The following DYNC1LI1 variants were observed in gnomAD, a reference collection of about 807,000 sequenced individuals.
The protein encoded by DYNC1LI1 is dynein cytoplasmic 1 light intermediate chain 1, also known as cytoplasmic dynein 1 light intermediate chain 1.
DYNC1LI1 carries 19 observed loss-of-function variants against 63.8 expected under a neutral mutation model. The ratio of observed to expected loss-of-function variants is 0.30; its 90% CI spans 0.21 to 0.44. DYNC1LI1 has a LOEUF of 0.44. DYNC1LI1 is among the 20% of genes least tolerant of loss of function. The pLI, the probability that DYNC1LI1 is intolerant of heterozygous loss-of-function variation, is 1.00. For synonymous variants in DYNC1LI1, 225 were observed against 232.3 expected (o/e 0.97, Z 0.28); for missense variants, 565 against 630.2 (o/e 0.90, Z 1.11).
intron 2 of DYNC1LI1, among the ~76,000 whole-genome samples, chr3:32,550,303 T>G (rs1698016097): frequency 1.3e-5 from 2 of 152,112 alleles, no homozygotes; most frequent in South Asian, 4.1e-4. Context: ...TGGTGGTGCA[T>G]GACTATAATC....
intron 11 of DYNC1LI1, 69 bp downstream of exon 11, chr3:32,529,471 T>G: frequency 2.1e-6 from 3 of 1,446,824 alleles, no homozygotes; most frequent in South Asian, 1.3e-5. Context: ...TGGCAAAAGG[T>G]GGAATTTTAG....
chr3:32,555,824 G>C (rs1209942083), intron 2 of DYNC1LI1, among the ~76,000 whole-genome samples: 1 of 152,234 alleles, frequency 6.6e-6, no homozygotes, highest in African/African-American at 2.4e-5. Context: ...AAATGGGTAA[G>C]AGAGCAGGAC....
At chr3:32,532,508 A>ATATATATATATATATATAT (rs1559434368) in intron 8 of DYNC1LI1, 42 of 124,958 alleles carry the variant, frequency 3.4e-4, no homozygotes, top group African/African-American at 1.2e-3. Context: ...TATATATATA[A>ATATATATATATATATATAT]AATTGAAAGT....
At chr3:32,542,366 G>A (rs1267102736) in intron 4 of DYNC1LI1, among the ~76,000 whole-genome samples, 1 of 150,870 alleles carries the variant, frequency 6.6e-6, no homozygotes. Context: ...ATCCCAAAGT[G>A]TTGGGATAAC....
At position 32,562,446 on chromosome 3, in the gene DYNC1LI1, C is replaced by T. The variant is rs536555581; in HGVS notation, c.220+7900G>A. On this transcript the variant is annotated intron_variant, in intron 2 of 12. Coordinates refer to ENST00000273130, the MANE Select transcript of DYNC1LI1 (RefSeq NM_016141.4). ...CCTTGGACTCCCAGGCTCATATGAA[C>T]CTTCTGCCTCAGCCTCCCAAGTAGC... Among the ~76,000 whole-genome samples the T allele has an allele frequency of 8.5e-5, 13 of 152,158 alleles. No homozygotes were observed. In the East Asian group the frequency reaches 2.3e-3, roughly 27 times the overall value.
At chr3:32,562,929 C>T (rs981118635) in intron 2 of DYNC1LI1, among the ~76,000 whole-genome samples, 4 of 152,054 alleles carry the variant, frequency 2.6e-5, no homozygotes, top group African/African-American at 9.7e-5. Context: ...CGTTTTAGGC[C>T]CTTTTCACAG....
chr3:32,549,645 A>C (rs1166146999), intron 2 of DYNC1LI1, among the ~76,000 whole-genome samples: 1 of 152,212 alleles, frequency 6.6e-6, no homozygotes, highest in Non-Finnish European at 1.5e-5. Context: ...ATAAGCAGTA[A>C]TTAGTTAAGT....
intron 2 of DYNC1LI1, among the ~76,000 whole-genome samples, chr3:32,569,530 T>A (rs1182908758): frequency 6.6e-6 from 1 of 152,198 alleles, no homozygotes; most frequent in African/African-American, 2.4e-5. Context: ...AATCATCGTA[T>A]AAGCCAAACT....
chr3:32,566,439 C>A (rs1198187092), intron 2 of DYNC1LI1, among the ~76,000 whole-genome samples: 1 of 152,118 alleles, frequency 6.6e-6, no homozygotes, highest in African/African-American at 2.4e-5. Flanking sequence ...GGAGAAACTG[C>A]CTTTAAAGGC....
chr3:32,534,079 A>G (rs528699793), intron 7 of DYNC1LI1, among the ~76,000 whole-genome samples: 1 of 150,956 alleles, frequency 6.6e-6, no homozygotes, highest in South Asian at 2.1e-4. Context: ...GGGTTTCGCC[A>G]TGTTGGCCAG....
intron 2 of DYNC1LI1, among the ~76,000 whole-genome samples, chr3:32,552,725 G>A (rs983794804): frequency 1.3e-4 from 20 of 152,098 alleles, no homozygotes; most frequent in African/African-American, 4.1e-4. Context: ...TGTTGTCGTT[G>A]AGACGGAGTC....
At chr3:32,551,445 G>T (rs990139808) in intron 2 of DYNC1LI1, among the ~76,000 whole-genome samples, 4 of 152,172 alleles carry the variant, frequency 2.6e-5, no homozygotes, top group African/African-American at 9.6e-5. Context: ...ACAAACAGTG[G>T]AGGCCAGATC....
At position 32,570,662 on chromosome 3, in the gene DYNC1LI1, C is replaced by A. The variant is rs1322321238; in HGVS notation, c.109G>T (p.Ala37Ser). The A allele has an allele frequency of 1.3e-6, 2 of 1,599,202 alleles. No individual in the cohort carries two copies. Among genetic ancestry groups the A allele is most frequent in the Non-Finnish European group, 8.5e-7 (1 of 1,173,586 alleles). Residue 37 changes from alanine to serine, a missense_variant, in exon 1 of 13, where the codon GCC becomes TCC. By Grantham distance (99) the Ala-to-Ser change is moderately conservative. Transcript: ENST00000273130. ...CCGTCCTCGTCGTCGCCTGCCGCGG[C>A]GCCACCGTTGCCCGACGCTATCTCG... ...GNEIASGNGGAAAGDDEDGQN... is the reference protein window; with the variant it reads ...GNEIASGNGGSAAGDDEDGQN...
intron 1 of DYNC1LI1, 22 bp from the exon 2 acceptor site, chr3:32,570,441 G>A (rs1292378694): frequency 4.4e-6 from 7 of 1,578,780 alleles, no homozygotes; most frequent in African/African-American, 1.4e-5. Context: ...CAAGGCGTAC[G>A]GTGAGGCCGG....
intron 2 of DYNC1LI1, among the ~76,000 whole-genome samples, chr3:32,547,223 A>G (rs1217079585): frequency 2.0e-5 from 3 of 152,290 alleles, no homozygotes; most frequent in East Asian, 1.9e-4. Context: ...AGCCTGGGCA[A>G]CAGAGTGAGG....
intron 12 of DYNC1LI1, among the ~76,000 whole-genome samples, chr3:32,528,112 C>CAAAAAAAAAAAAAAAAAAAAAAAA (rs60912161): frequency 3.3e-5 from 1 of 29,896 alleles, no homozygotes; most frequent in Admixed American, 5.2e-4. Context: ...GACTCCATCT[C>CAAAAAAAAAAAAAAAAAAAAAAAA]AAAAAAAAAA....
chr3:32,546,245 T>C (rs1168067245), intron 2 of DYNC1LI1, among the ~76,000 whole-genome samples: 2 of 152,050 alleles, frequency 1.3e-5, no homozygotes, highest in Non-Finnish European at 2.9e-5. Flanking sequence ...CCGTCTCTAC[T>C]AAAAGTAGAA....
chr3:32,526,877 T>G lies in DYNC1LI1; in HGVS notation c.1494A>C (p.Glu498Asp), dbSNP rs1697625788. The change falls in exon 13 of 13, where the codon GAA becomes GAC. Residue 498 changes from glutamate (E) to aspartate (D), a missense_variant. By Grantham distance (45) the Glu-to-Asp change is conservative (BLOSUM62 2). Coordinates refer to ENST00000273130, the MANE Select transcript of DYNC1LI1 (RefSeq NM_016141.4). ...CTGGTTTTCGTGTAATTCTGTCTAG[T>G]TCTGCATGAACATCTAAGACAGGCT... ...GQKPVLDVHA[E>D]LDRITRKPVT... The G allele has an allele frequency of 6.2e-7, 1 of 1,614,046 alleles. No individual in the cohort carries two copies. The highest frequency in any genetic ancestry group is 8.5e-7 in the Non-Finnish European group (1 of 1,179,904).
intron 2 of DYNC1LI1, among the ~76,000 whole-genome samples, chr3:32,547,221 C>T (rs939830842): frequency 6.6e-6 from 1 of 152,074 alleles, no homozygotes; most frequent in African/African-American, 2.4e-5. Context: ...CCAGCCTGGG[C>T]AACAGAGTGA....
Sources: gnomAD v4.1 joint callset for allele counts (sites outside exome capture counted in the v4.1 genomes callset) on GRCh38, gnomAD v4.1.1 for gene constraint, MANE v1.5 for transcripts, NCBI Gene and HGNC (gene_info 2026-07-23, HGNC 2026-07-21) for gene names.